The following ITSN1 variants were observed in gnomAD, a reference collection of about 807,000 sequenced individuals.
ITSN1 encodes intersectin-1.
Under a neutral mutation model 239.8 loss-of-function variants are expected in ITSN1, and 58 were observed. That is an observed-to-expected ratio of 0.24 (90% CI 0.20 to 0.30). ITSN1 has a LOEUF of 0.30. Ranked by LOEUF, ITSN1 falls within the 10% of genes least tolerant of loss-of-function variation. The pLI, the probability that ITSN1 is intolerant of heterozygous loss-of-function variation, is 1.00. For synonymous variants in ITSN1, 780 were observed against 770.8 expected, an observed-to-expected ratio of 1.01 and a Z score of -0.20; for missense variants, 1,558 against 2,103.3, an observed-to-expected ratio of 0.74 and a Z score of 5.07.
Position 33,865,470 on chromosome 21 carries a change from C to G in ITSN1, c.4074+136C>G. On this transcript the variant is annotated intron_variant, in intron 32 of 39. Transcript: ENST00000381318. This position sits in a 1 kb window ranked among gnomAD's most constrained non-coding sequence, Gnocchi z 4.4. ...ACAGGGCCTAGGGTCTTGGCTAAGC[C>G]TTAGGGGACTGGCACTCACTGGCAA... The G allele has an allele frequency of 1.5e-6, 1 of 679,834 alleles. No homozygotes were observed. The highest frequency in any genetic ancestry group is 2.3e-6 in the Non-Finnish European group (1 of 430,874). 42.1% of individuals were successfully genotyped at this position (679,834 alleles called of 1,614,324 possible).
chr21:33,747,409 A>G lies in ITSN1; in HGVS notation c.347-2734A>G, dbSNP rs570729962. On this transcript the variant is annotated intron_variant, in intron 5 of 39. Coordinates refer to ENST00000381318, the MANE Select transcript of ITSN1 (RefSeq NM_003024.3). ...AGAAGGAGGATCATGAGAGAAAGGT[A>G]CAGAAAAATATTTGAAGAATAAAAG... 3.1e-4 allele frequency among the ~76,000 whole-genome samples: 47 copies of G among 152,328 alleles called. No homozygotes were observed. The South Asian group carries it at 7.2e-3, about 23-fold the overall frequency.
chr21:33,767,485 A>C (rs927312618), intron 10 of ITSN1, among the ~76,000 whole-genome samples: 1 of 152,182 alleles, frequency 6.6e-6, no homozygotes, highest in African/African-American at 2.4e-5. Context: ...GAATTGTTTC[A>C]ATTTTGGTGG....
chr21:33,863,041 C>T (rs993362367), intron 31 of ITSN1, among the ~76,000 whole-genome samples: 6 of 152,312 alleles, frequency 3.9e-5, no homozygotes, highest in African/African-American at 4.8e-5. Context: ...ATCAGCTCAC[C>T]GCAAGCAGAG....
At chr21:33,793,077 G>A (rs2071272783) in intron 16 of ITSN1, among the ~76,000 whole-genome samples, 1 of 152,034 alleles carries the variant, frequency 6.6e-6, no homozygotes. Context: ...AAACATTTGT[G>A]TATGGATTTT....
At chr21:33,867,719 C>A (rs1466373315) in intron 33 of ITSN1, among the ~76,000 whole-genome samples, 1 of 151,762 alleles carries the variant, frequency 6.6e-6, no homozygotes, top group Non-Finnish European at 1.5e-5. Flanking sequence ...AGAATGAAGC[C>A]GCAGACCCTC....
chr21:33,729,200 C>T (rs2066012617), intron 4 of ITSN1, among the ~76,000 whole-genome samples: 1 of 152,134 alleles, frequency 6.6e-6, no homozygotes, highest in African/African-American at 2.4e-5. Flanking sequence ...CCTGTAATCT[C>T]AGCACTTTGG....
At chr21:33,808,446 G>C (rs916309167) in intron 20 of ITSN1, among the ~76,000 whole-genome samples, 1 of 152,006 alleles carries the variant, frequency 6.6e-6, no homozygotes, top group African/African-American at 2.4e-5. Context: ...TTAGCCAGGC[G>C]TGGTGGTGGG....
chr21:33,785,037 C>G (rs2070543427), intron 16 of ITSN1, among the ~76,000 whole-genome samples: 1 of 152,146 alleles, frequency 6.6e-6, no homozygotes, highest in Non-Finnish European at 1.5e-5. Context: ...AGGAAGCCAG[C>G]TGGAGAGTAC....
chr21:33,699,410 A>G (rs1475074860), intron 1 of ITSN1, among the ~76,000 whole-genome samples: 1 of 152,210 alleles, frequency 6.6e-6, no homozygotes, highest in Non-Finnish European at 1.5e-5. Context: ...GACACCATTC[A>G]GTGGGTTTAG....
intron 29 of ITSN1, among the ~76,000 whole-genome samples, chr21:33,839,426 A>G (rs1298088754): frequency 1.3e-5 from 2 of 151,924 alleles, no homozygotes; most frequent in Non-Finnish European, 2.9e-5. Context: ...GTAAGGAGGG[A>G]GGAGCCAGAT....
At chr21:33,728,914 G>C (rs1233677280) in intron 4 of ITSN1, among the ~76,000 whole-genome samples, 1 of 151,854 alleles carries the variant, frequency 6.6e-6, no homozygotes, top group East Asian at 1.9e-4. Context: ...GTTTTTGAAT[G>C]AATGAGAATG....
intron 1 of ITSN1, among the ~76,000 whole-genome samples, chr21:33,712,946 C>T (rs143020859): frequency 2.6e-5 from 4 of 152,006 alleles, no homozygotes; most frequent in East Asian, 1.9e-4. Flanking sequence ...GGCAGGATCT[C>T]GGTTCACTGT....
intron 1 of ITSN1, among the ~76,000 whole-genome samples, chr21:33,666,181 T>TTG (rs2089918455): frequency 6.6e-6 from 1 of 152,214 alleles, no homozygotes; most frequent in African/African-American, 2.4e-5. Flanking sequence ...TCCACCTGCC[T>TTG]TGGACTTCCA....
At chr21:33,647,363 A>G (rs542223520) in intron 1 of ITSN1, among the ~76,000 whole-genome samples, 2 of 152,142 alleles carry the variant, frequency 1.3e-5, no homozygotes, top group South Asian at 2.1e-4. Context: ...GGATCTTGCT[A>G]TACATATGGT....
chr21:33,758,806 G>T (rs1321828936), intron 8 of ITSN1, among the ~76,000 whole-genome samples: 1 of 152,148 alleles, frequency 6.6e-6, no homozygotes, highest in Non-Finnish European at 1.5e-5. Flanking sequence ...CAGAAGTGGG[G>T]TTTGTGTGCT....
At chr21:33,881,850 G>T (rs371750599) in intron 34 of ITSN1, among the ~76,000 whole-genome samples, 1 of 150,212 alleles carries the variant, frequency 6.7e-6, no homozygotes. Flanking sequence ...GGGGGGCTGA[G>T]ATGGGAGAAT....
chr21:33,713,305 T>G (rs1000575670), intron 1 of ITSN1, among the ~76,000 whole-genome samples: 9 of 152,094 alleles, frequency 5.9e-5, no homozygotes, highest in Admixed American at 2.6e-4. Context: ...GGTGGCACGA[T>G]CTAGGCTCAC....
At chr21:33,816,760 G>T (rs374796191) in intron 22 of ITSN1, among the ~76,000 whole-genome samples, 1 of 152,184 alleles carries the variant, frequency 6.6e-6, no homozygotes, top group Non-Finnish European at 1.5e-5. Context: ...GAGGAGCTAC[G>T]CGGGCAGCAG....
At chr21:33,818,534 T>G in intron 23 of ITSN1, 62 bp downstream of exon 23, 1 of 1,380,246 alleles carries the variant, frequency 7.2e-7, no homozygotes, top group Non-Finnish European at 1.0e-6. Context: ...TATTACTGTT[T>G]GCACTAGTTA....
Sources: gnomAD v4.1 joint callset for allele counts (sites outside exome capture counted in the v4.1 genomes callset) on GRCh38, gnomAD v4.1.1 for gene constraint, Gnocchi (gnomAD v3.1) non-coding constraint, MANE v1.5 for transcripts, NCBI Gene and HGNC (gene_info 2026-07-23, HGNC 2026-07-21) for gene names.